Variants in ZNF236 observed in about 807,000 individuals in gnomAD.
ZNF236 encodes zinc finger protein 236.
In ZNF236, 50 loss-of-function variants were observed where a neutral mutation model predicts 191.2. The ratio of observed to expected loss-of-function variants is 0.26; its 90% CI spans 0.21 to 0.33. The LOEUF (loss-of-function observed/expected upper bound fraction) is 0.33. Ranked by LOEUF, ZNF236 falls within the 10% of genes least tolerant of loss-of-function variation. The pLI is 1.00. For missense variants in ZNF236, 1,754 were observed against 2,374.5 expected (o/e 0.74, Z 5.43); for synonymous variants, 907 against 928.8 (o/e 0.98, Z 0.43).
chr18:76,907,584 C>T (rs1243289005), intron 13 of ZNF236, among the ~76,000 whole-genome samples: 1 of 152,234 alleles, frequency 6.6e-6, no homozygotes, highest in Non-Finnish European at 1.5e-5. Flanking sequence ...CAGCCTTGGC[C>T]TCCCAAAGTG....
chr18:76,912,460 A>G (rs1222467905), intron 17 of ZNF236, 113 bp downstream of exon 17: 6 of 674,602 alleles, frequency 8.9e-6, no homozygotes, highest in Non-Finnish European at 1.3e-5. Flanking sequence ...AAACTGTTCA[A>G]AACAGTTCCA....
chr18:76,831,706 A>G (rs549188667), intron 1 of ZNF236, among the ~76,000 whole-genome samples: 1 of 152,264 alleles, frequency 6.6e-6, no homozygotes, highest in African/African-American at 2.4e-5. Context: ...TTTGGGATTA[A>G]TTAGTTTTTT....
At position 76,971,674 on chromosome 18, in the gene ZNF236, C is replaced by T. The variant is rs1313596220; in HGVS notation, c.*3335C>T. On this transcript the variant is annotated 3_prime_UTR_variant, in exon 31 of 31. Coordinates refer to ENST00000320610, the MANE Select transcript of ZNF236 (RefSeq NM_001306089.2). ...ATTTCTTGTCTTGCTGTGGGTTTTC[C>T]TCATTTTAGAAGAATATTTGTAACT... 6.6e-6 allele frequency among the ~76,000 whole-genome samples: 1 copy of T among 152,130 alleles called. No homozygotes were observed. Among genetic ancestry groups the T allele is most frequent in the African/African-American group, 2.4e-5 (1 of 41,410 alleles).
intron 6 of ZNF236, among the ~76,000 whole-genome samples, chr18:76,876,279 T>C (rs150523736): frequency 1.3e-5 from 2 of 152,368 alleles, no homozygotes; most frequent in Non-Finnish European, 2.9e-5. Context: ...TTGATTTATA[T>C]TCTAATTGTA....
intron 11 of ZNF236, among the ~76,000 whole-genome samples, chr18:76,901,435 T>G (rs1432073582): frequency 6.6e-6 from 1 of 152,180 alleles, no homozygotes; most frequent in Non-Finnish European, 1.5e-5. Flanking sequence ...CACAACAAAT[T>G]GACAAGATAG....
intron 4 of ZNF236, among the ~76,000 whole-genome samples, chr18:76,870,323 A>G (rs1481417530): frequency 1.3e-5 from 2 of 151,786 alleles, no homozygotes; most frequent in Non-Finnish European, 2.9e-5. Context: ...TGATTTTTAA[A>G]CCCCCAAATA....
intron 12 of ZNF236, 39 bp from the exon 13 acceptor site, chr18:76,905,116 T>G: frequency 6.4e-7 from 1 of 1,562,292 alleles, no homozygotes; most frequent in Non-Finnish European, 8.7e-7. Context: ...TATAAAAGTA[T>G]AAGAAACATA....
chr18:76,923,986 C>T (rs1281683033), intron 21 of ZNF236, among the ~76,000 whole-genome samples: 1 of 152,040 alleles, frequency 6.6e-6, no homozygotes, highest in East Asian at 1.9e-4. Context: ...AATTTACATT[C>T]TTCATTGTTG....
At chr18:76,926,528 T>A (rs1387919201) in intron 22 of ZNF236, among the ~76,000 whole-genome samples, 2 of 152,022 alleles carry the variant, frequency 1.3e-5, no homozygotes, top group Non-Finnish European at 2.9e-5. Context: ...AGTAGGTTTC[T>A]GGGGTAATTA....
At chr18:76,841,325 G>A (rs958519356) in intron 1 of ZNF236, among the ~76,000 whole-genome samples, 2 of 152,078 alleles carry the variant, frequency 1.3e-5, no homozygotes, top group Non-Finnish European at 2.9e-5. Flanking sequence ...CACCTGCCTC[G>A]GCCTCCCAAA....
chr18:76,834,586 G>T (rs1252123976), intron 1 of ZNF236: 10 of 472,386 alleles, frequency 2.1e-5, no homozygotes, highest in Non-Finnish European at 3.3e-5. Context: ...TGTGTGCACA[G>T]TTGGGGTGAA....
chr18:76,888,397 T>C (rs1256422702), intron 9 of ZNF236: 4 of 152,336 alleles, frequency 2.6e-5, no homozygotes, highest in African/African-American at 9.7e-5. Flanking sequence ...GGCTGTGCAG[T>C]GAGATATTCT....
chr18:76,860,450 A>G lies in ZNF236; in HGVS notation c.364-8235A>G, dbSNP rs138520879. Among the ~76,000 whole-genome samples, 421 of 148,464 alleles carry G rather than the reference A, an allele frequency of 2.8e-3. 6 individuals are homozygous for G. The highest frequency in any genetic ancestry group is 9.9e-3 in the African/African-American group (407 of 41,268). ...GTTAGCTGTCATTCGCAGATGTTCTAAAGTATTTATACCTTATTTTGAAAA... is the reference window on the plus strand; with the variant it reads ...GTTAGCTGTCATTCGCAGATGTTCTGAAGTATTTATACCTTATTTTGAAAA... On this transcript the variant is annotated intron_variant, in intron 3 of 30. Transcript: ENST00000320610.
intron 3 of ZNF236, 35 bp downstream of exon 3, chr18:76,851,974 TGA>T (rs752632331): frequency 9.0e-6 from 14 of 1,563,394 alleles, no homozygotes; most frequent in Admixed American, 1.8e-5. Context: ...CTTTGTTAAC[TGA>T]TTGTTAAAAT....
intron 18 of ZNF236, 84 bp from the exon 19 acceptor site, chr18:76,915,563 C>A: frequency 4.8e-6 from 6 of 1,246,926 alleles, no homozygotes; most frequent in Middle Eastern, 5.7e-4. Context: ...TTAAACATAT[C>A]TTTGTTTGGT....
chr18:76,926,867 G>T (rs545750512), intron 22 of ZNF236, among the ~76,000 whole-genome samples, 170 bp from the exon 23 acceptor site: 1 of 151,482 alleles, frequency 6.6e-6, no homozygotes, highest in South Asian at 2.1e-4. Flanking sequence ...TGATTAAACA[G>T]CATATATGTG....
At position 76,908,669 on chromosome 18, in the gene ZNF236, T is replaced by G. The variant is rs1370615140; in HGVS notation, c.2551+96T>G. 4.8e-6 allele frequency: 7 copies of G among 1,463,538 alleles called. No homozygotes were observed. In the East Asian group the frequency reaches 1.6e-4, roughly 34 times the overall value. The allele number at this position is 1,463,538 out of a possible 1,614,324, so 90.7% of individuals were successfully genotyped here. A position where few individuals can be genotyped will look rare whatever the true frequency, so the allele number is the denominator to read the frequency against. ...TCCATTGGTGTCTCCCATCACTGACTTTTAAAACAATTTGTGCTGTATGTG... is the reference window on the plus strand; with the variant it reads ...TCCATTGGTGTCTCCCATCACTGACGTTTAAAACAATTTGTGCTGTATGTG... On this transcript the variant is annotated intron_variant, in intron 14 of 30. Transcript: ENST00000320610.
At chr18:76,862,565 G>A (rs562190957) in intron 3 of ZNF236, among the ~76,000 whole-genome samples, 1 of 152,092 alleles carries the variant, frequency 6.6e-6, no homozygotes, top group Non-Finnish European at 1.5e-5. Flanking sequence ...TGGAAGCCCG[G>A]CTTCCATCCT....
rs1281931344 is a variant in ZNF236, at chr18:76,970,079, A to T, written c.*1740A>T. 6.6e-6 allele frequency: 1 copy of T among 152,668 alleles called. No homozygotes were observed. Among genetic ancestry groups the T allele is most frequent in the African/African-American group, 2.4e-5 (1 of 41,456 alleles). The allele number at this position is 152,668 out of a possible 1,614,324, so 9.5% of individuals were successfully genotyped here. A position where few individuals can be genotyped will look rare whatever the true frequency, so the allele number is the denominator to read the frequency against. On this transcript the variant is annotated 3_prime_UTR_variant, in exon 31 of 31. Transcript: ENST00000320610. ...TGCAGAATAACTGTAATTGTGCTAGAGTTTTAAAGGTTCTGCTTTTAATGC... is the reference window on the plus strand; with the variant it reads ...TGCAGAATAACTGTAATTGTGCTAGTGTTTTAAAGGTTCTGCTTTTAATGC...
Sources: gnomAD v4.1 joint callset for allele counts (sites outside exome capture counted in the v4.1 genomes callset) on GRCh38, gnomAD v4.1.1 for gene constraint, MANE v1.5 for transcripts, NCBI Gene and HGNC (gene_info 2026-07-23, HGNC 2026-07-21) for gene names.